Variants in C2CD2 observed in about 807,000 individuals in gnomAD.
C2CD2 encodes the protein C2 calcium dependent domain containing 2.
C2CD2 carries 43 observed loss-of-function variants against 74.3 expected under a neutral mutation model. The observed-to-expected ratio is 0.58, with a 90% confidence interval of 0.45 to 0.75. The LOEUF is 0.75. Ranked by LOEUF, C2CD2 falls within the 30% of genes least tolerant of loss-of-function variation. The pLI is 0.00. For missense variants in C2CD2, 801 were observed against 916.3 expected (o/e 0.87, Z 1.63); for synonymous variants, 422 against 390.7 (o/e 1.08, Z -0.94).
At chr21:41,948,868 A>ATTTTTTTTTT (rs1569085046) in intron 1 of C2CD2, among the ~76,000 whole-genome samples, 9 of 31,058 alleles carry the variant, frequency 2.9e-4, no homozygotes, top group Non-Finnish European at 6.0e-4. Context: ...TCCACACAGC[A>ATTTTTTTTTT]TCTTTTTTTT....
rs1056511594 is a variant in C2CD2 at position 41,926,165 on chromosome 21, C to T, written c.379-4080G>A. ...GAGCCCAGGTCTGCATCTGCAGGAG[C>T]GAGCTCCCTCGACAACAACCAACCA... On this transcript the variant is annotated intron_variant, in intron 2 of 13. Transcript: ENST00000380486. This position sits in a 1 kb window ranked among gnomAD's most constrained non-coding sequence, Gnocchi z 8.0. 1.2e-4 allele frequency among the ~76,000 whole-genome samples: 19 copies of T among 152,322 alleles called. No homozygotes were observed. The highest frequency in any genetic ancestry group is 3.1e-4 in the African/African-American group (13 of 41,570).
Position 41,922,228 on chromosome 21 carries a change from A to C in C2CD2, c.379-143T>G, listed in dbSNP as rs1377321061. On this transcript the variant is annotated intron_variant, in intron 2 of 13. Coordinates refer to ENST00000380486, the MANE Select transcript of C2CD2 (RefSeq NM_015500.2). ...GGCTGGAGTGCAGTGGCGCGATCTC[A>C]GCTCACTGCAACCTCCACCTCCCCA... is the stretch of plus-strand genomic sequence containing the variant. 5.1e-6 allele frequency: 3 copies of C among 586,300 alleles called. No homozygotes were observed. In the Admixed American group the frequency reaches 8.8e-5, roughly 17 times the overall value. 36.3% of individuals were successfully genotyped at this position (586,300 alleles called of 1,614,324 possible).
intron 1 of C2CD2, among the ~76,000 whole-genome samples, chr21:41,942,717 T>C (rs1005999594): frequency 1.3e-5 from 2 of 152,220 alleles, no homozygotes; most frequent in Non-Finnish European, 2.9e-5. Context: ...GCACCTCTCC[T>C]GTTGCGTGTG....
intron 1 of C2CD2, among the ~76,000 whole-genome samples, chr21:41,950,659 G>C (rs2065442859): frequency 6.6e-6 from 1 of 152,232 alleles, no homozygotes; most frequent in African/African-American, 2.4e-5. Context: ...CAGGGAACAG[G>C]CTGCAGCCAC....
At chr21:41,920,367 G>A (rs1018166265) in intron 3 of C2CD2, among the ~76,000 whole-genome samples, 1 of 152,200 alleles carries the variant, frequency 6.6e-6, no homozygotes, top group Non-Finnish European at 1.5e-5. Context: ...TAACTTTGCA[G>A]ATCTCCATTC....
In C2CD2 at chr21:41,886,313, T is replaced by C. The variant is rs2064683507; in HGVS notation, c.*2811A>G. ...AAGGTGATTTACACATCAGTATTTT[T>C]AGCATTTGGTGGATAATCTTAATTT... On this transcript the variant is annotated 3_prime_UTR_variant, in exon 14 of 14. Coordinates refer to ENST00000380486, the MANE Select transcript of C2CD2 (RefSeq NM_015500.2). 2 of 152,262 alleles carry C rather than the reference T, an allele frequency of 1.3e-5. No individual in the cohort carries two copies. The highest frequency in any genetic ancestry group is 2.9e-5 in the Non-Finnish European group (2 of 68,050). The allele number at this position is 152,262 out of a possible 1,614,324, so 9.4% of individuals were successfully genotyped here. A position where few individuals can be genotyped will look rare whatever the true frequency, so the allele number is the denominator to read the frequency against.
At chr21:41,928,169 T>G (rs1180879203) in intron 2 of C2CD2, among the ~76,000 whole-genome samples, 1 of 152,218 alleles carries the variant, frequency 6.6e-6, no homozygotes, top group Non-Finnish European at 1.5e-5. Context: ...AGCTAGTGCT[T>G]CCTGACAGGG....
Position 41,889,227 on chromosome 21 carries a change from C to T in C2CD2, c.1988G>A (p.Arg663Gln), listed in dbSNP as rs765182388. 1.7e-5 allele frequency: 28 copies of T among 1,613,734 alleles called. No homozygotes were observed. Among genetic ancestry groups the T allele is most frequent in the Non-Finnish European group, 2.2e-5 (26 of 1,180,020 alleles). ...LVFLEQPEGS[R>Q]RKGITLTRIL... is the part of the protein sequence containing the mutation. Reference sequence around the variant, plus strand: ...CCTGGTGAGGGTGATGCCTTTCCTCCGGGAACCCTCTGGCTGCTCCAGGAA... The same window carrying T: ...CCTGGTGAGGGTGATGCCTTTCCTCTGGGAACCCTCTGGCTGCTCCAGGAA... Residue 663 changes from arginine (R) to glutamine (Q), a missense_variant, in exon 14 of 14, where the codon CGG (arginine) becomes CAG (glutamine). Transcript: ENST00000380486.
In C2CD2 at chr21:41,903,699, G is replaced by T. The variant is rs2064926643; in HGVS notation, c.1433-1950C>A. On this transcript the variant is annotated intron_variant, in intron 11 of 13. Transcript: ENST00000380486. This position sits in a 1 kb window ranked among gnomAD's most constrained non-coding sequence, Gnocchi z 4.5. ...CGGGAGCACGTCCTCCTCACGCCAG[G>T]CCCAGTGCTTCTGTTCAGTCCCCCG... Among the ~76,000 whole-genome samples the T allele has an allele frequency of 6.6e-6, 1 of 152,130 alleles. No homozygotes were observed. The highest frequency in any genetic ancestry group is 1.5e-5 in the Non-Finnish European group (1 of 68,022).
At chr21:41,908,837 C>T (rs147841566) in intron 8 of C2CD2, 12 of 152,888 alleles carry the variant, frequency 7.8e-5, no homozygotes, top group African/African-American at 2.9e-4. Context: ...TGTACACACA[C>T]ACACATACAG....
chr21:41,948,997 T>A (rs2065428207), intron 1 of C2CD2, among the ~76,000 whole-genome samples: 1 of 147,934 alleles, frequency 6.8e-6, no homozygotes, highest in East Asian at 1.9e-4. Flanking sequence ...CAAACAGCGT[T>A]GGGGACCCTC....
chr21:41,906,975 C>T lies in C2CD2; in HGVS notation c.1318+17G>A, dbSNP rs372826879. The T allele has an allele frequency of 1.9e-5, 30 of 1,605,332 alleles. No homozygotes were observed. The African/African-American group carries it at 3.6e-4, about 19-fold the overall frequency. ...CGTCATGCAGAAAGTTCCTCGACTG[C>T]GTTCCTGTTGTCTCACCAGAGCTCA... On this transcript the variant is annotated intron_variant, in intron 10 of 13. Coordinates refer to ENST00000380486, the MANE Select transcript of C2CD2 (RefSeq NM_015500.2).
rs2064709851 is a variant in C2CD2, at chr21:41,888,540, A to G, written c.*584T>C. The G allele has an allele frequency of 6.4e-6, 1 of 156,810 alleles. No homozygotes were observed. The highest frequency in any genetic ancestry group is 6.1e-5 in the Admixed American group (1 of 16,458). The allele number at this position is 156,810 out of a possible 1,614,324, so 9.7% of individuals were successfully genotyped here. On this transcript the variant is annotated 3_prime_UTR_variant, in exon 14 of 14. Coordinates refer to ENST00000380486, the MANE Select transcript of C2CD2 (RefSeq NM_015500.2). ...ATATCAAAGGTAGATGACTTCCTAC[A>G]TCTGTCGTAGCGTCTCCATTCTTAT...
At chr21:41,912,493 A>AT (rs71319914) in intron 6 of C2CD2, 53 bp from the exon 7 acceptor site, 26,938 of 592,794 alleles carry the variant, frequency 0.045, 40 homozygotes, top group African/African-American at 0.061. Context: ...TTATTTATTT[A>AT]TTTTTTTTTT....
chr21:41,919,758 C>A (rs965861665), intron 3 of C2CD2, among the ~76,000 whole-genome samples: 2 of 152,176 alleles, frequency 1.3e-5, no homozygotes, highest in Non-Finnish European at 2.9e-5. Context: ...CCCACCCTGT[C>A]CATTTGGGAG....
In C2CD2 at chr21:41,905,711, G is replaced by C; in HGVS notation, c.1432+13C>G. The C allele has an allele frequency of 7.1e-7, 1 of 1,402,786 alleles. No individual in the cohort carries two copies. Among genetic ancestry groups the C allele is most frequent in the South Asian group, 1.2e-5 (1 of 85,006 alleles). The allele number at this position is 1,402,786 out of a possible 1,614,324, so 86.9% of individuals were successfully genotyped here. On this transcript the variant is annotated intron_variant, in intron 11 of 13. Coordinates refer to ENST00000380486, the MANE Select transcript of C2CD2 (RefSeq NM_015500.2). ...TGCTAAGAGGGAGAGCGACGTGGGC[G>C]TGTCTCAGTTACCTGTGTCTGAAGA...
At chr21:41,912,242 C>T (rs1450456092) in intron 7 of C2CD2, 90 bp downstream of exon 7, 1 of 723,174 alleles carries the variant, frequency 1.4e-6, no homozygotes, top group Admixed American at 2.3e-5. Context: ...GTGTTTTAGC[C>T]TAAACGGTGC....
At chr21:41,898,959 A>T in intron 13 of C2CD2, 94 bp downstream of exon 13, 1 of 937,500 alleles carries the variant, frequency 1.1e-6, no homozygotes, top group Non-Finnish European at 1.7e-6. Context: ...TAGGGGACAA[A>T]GGGAAGGAAG....
At chr21:41,910,608 T>C (rs1260009597) in intron 7 of C2CD2, among the ~76,000 whole-genome samples, 1 of 152,196 alleles carries the variant, frequency 6.6e-6, no homozygotes, top group Non-Finnish European at 1.5e-5. Flanking sequence ...TTGGTAGCTC[T>C]GGCTTTTGTA....
Sources: gnomAD v4.1 joint callset for allele counts (sites outside exome capture counted in the v4.1 genomes callset) on GRCh38, gnomAD v4.1.1 for gene constraint, Gnocchi (gnomAD v3.1) non-coding constraint, MANE v1.5 for transcripts, NCBI Gene and HGNC (gene_info 2026-07-23, HGNC 2026-07-21) for gene names.